Variants in NCBP2L observed in about 807,000 individuals in gnomAD.
The protein encoded by NCBP2L is nuclear cap binding protein subunit 2 like.
For synonymous variants in NCBP2L, 39 were observed against 19.2 expected (o/e 2.04, Z -2.70); for missense variants, 95 against 53.1 (o/e 1.79, Z -2.45).
Position 107,783,358 on chromosome X carries a change from C to CTTTTTTTTTTTTT in NCBP2L, c.-73+5509_-73+5521dup, listed in dbSNP as rs769083822. ...ATTAGCCTGGCATGGTGGCACTTGC[C>CTTTTTTTTTTTTT]TTTTTTTTTTTTTTTTTTTTTATTT... On this transcript the variant is annotated intron_variant, in intron 1 of 1. Coordinates refer to ENST00000509000, the MANE Select transcript of NCBP2L (RefSeq NM_001348372.2). Among the ~76,000 whole-genome samples the CTTTTTTTTTTTTT allele has an allele frequency of 8.6e-3, 531 of 61,444 alleles. 1 individual carries two copies. Among genetic ancestry groups the CTTTTTTTTTTTTT allele is most frequent in the Non-Finnish European group, 0.012 (426 of 36,342 alleles). 53.4% of individuals were successfully genotyped at this position (61,444 alleles called of 115,157 possible). A position where few individuals can be genotyped will look rare whatever the true frequency, so the allele number is the denominator to read the frequency against.
intron 1 of NCBP2L, among the ~76,000 whole-genome samples, chrX:107,783,289 C>A (rs1044276359): frequency 1.9e-5 from 2 of 107,229 alleles, no homozygotes; most frequent in African/African-American, 3.4e-5. Flanking sequence ...TTGAGACAAG[C>A]CTGGCCAACA....
At position 107,794,855 on chromosome X, in the gene NCBP2L, C is replaced by A; in HGVS notation, c.*173C>A. ...ACAAAAAAAATCCATTTGTTTTTGTCTGAATTTTGAAGATGCTTTTCAGAT... is the reference window on the plus strand; with the variant it reads ...ACAAAAAAAATCCATTTGTTTTTGTATGAATTTTGAAGATGCTTTTCAGAT... On this transcript the variant is annotated 3_prime_UTR_variant, in exon 2 of 2. Coordinates refer to ENST00000509000, the MANE Select transcript of NCBP2L (RefSeq NM_001348372.2). The A allele has an allele frequency of 2.6e-6, 1 of 378,833 alleles. No homozygotes were observed. The allele number at this position is 378,833 out of a possible 1,213,427, so 31.2% of individuals were successfully genotyped here. A position where few individuals can be genotyped will look rare whatever the true frequency, so the allele number is the denominator to read the frequency against.
chrX:107,780,234 G>A (rs1930248063), intron 1 of NCBP2L, among the ~76,000 whole-genome samples: 1 of 111,444 alleles, frequency 9.0e-6, no homozygotes, highest in Non-Finnish European at 1.9e-5. Flanking sequence ...GCGTGCATCT[G>A]TAGTCCCAGC....
At chrX:107,780,123 G>T (rs1348867292) in intron 1 of NCBP2L, among the ~76,000 whole-genome samples, 1 of 111,170 alleles carries the variant, frequency 9.0e-6, no homozygotes, top group South Asian at 3.8e-4. Context: ...TTGAGAGGCC[G>T]GGGTGGGCGG....
intron 1 of NCBP2L, among the ~76,000 whole-genome samples, chrX:107,792,368 C>A (rs962340860): frequency 9.3e-6 from 1 of 107,650 alleles, no homozygotes; most frequent in Non-Finnish European, 1.9e-5. Flanking sequence ...GAAATGAAGT[C>A]TAGGAGGGAT....
Position 107,795,744 on chromosome X carries a change from A to T in NCBP2L, c.*1062A>T, listed in dbSNP as rs139766484. On this transcript the variant is annotated 3_prime_UTR_variant, in exon 2 of 2. Coordinates refer to ENST00000509000, the MANE Select transcript of NCBP2L (RefSeq NM_001348372.2). ...GTAACCCCATCATAAGTCAATGAGC[A>T]TCTGTACTTACTTTCTTTACTGTTA... 1.2e-4 allele frequency: 14 copies of T among 112,100 alleles called. No individual in the cohort carries two copies. In the East Asian group the frequency reaches 3.6e-3, roughly 29 times the overall value. 9.2% of individuals were successfully genotyped at this position (112,100 alleles called of 1,213,427 possible). A position where few individuals can be genotyped will look rare whatever the true frequency, so the allele number is the denominator to read the frequency against.
rs774046932 is a variant in NCBP2L at position 107,795,012 on chromosome X, T to G, written c.*330T>G. The G allele has an allele frequency of 8.6e-5, 11 of 128,555 alleles. No homozygotes were observed. Among genetic ancestry groups the G allele is most frequent in the Non-Finnish European group, 1.6e-4 (10 of 64,164 alleles). The allele number at this position is 128,555 out of a possible 1,213,427, so 10.6% of individuals were successfully genotyped here. ...CTGTTGGATTCTATGGCCATGTTCC[T>G]GCAGCCCAAAATTATAATTTTTTTT... is the stretch of plus-strand genomic sequence containing the variant. On this transcript the variant is annotated 3_prime_UTR_variant, in exon 2 of 2. Coordinates refer to ENST00000509000, the MANE Select transcript of NCBP2L (RefSeq NM_001348372.2).
At chrX:107,792,200 C>G (rs1456733408) in intron 1 of NCBP2L, among the ~76,000 whole-genome samples, 1 of 111,849 alleles carries the variant, frequency 8.9e-6, no homozygotes, top group African/African-American at 3.3e-5. Context: ...ATAGGCTCAT[C>G]TCAACAAATG....
At chrX:107,782,603 C>A (rs1335863643) in intron 1 of NCBP2L, among the ~76,000 whole-genome samples, 1 of 103,322 alleles carries the variant, frequency 9.7e-6, no homozygotes, top group Admixed American at 1.1e-4. Context: ...ACCCTTTGAC[C>A]AACATCTCCC....
At chrX:107,779,105 T>C (rs1403848094) in intron 1 of NCBP2L, among the ~76,000 whole-genome samples, 1 of 111,924 alleles carries the variant, frequency 8.9e-6, no homozygotes, top group African/African-American at 3.3e-5. Flanking sequence ...TCAGTGTTAC[T>C]GGAGAATAAA....
intron 1 of NCBP2L, among the ~76,000 whole-genome samples, chrX:107,790,338 C>G (rs1369013633): frequency 9.0e-6 from 1 of 111,673 alleles, no homozygotes; most frequent in African/African-American, 3.3e-5. Context: ...GCCTCTTGGC[C>G]TGCTCCCCCT....
intron 1 of NCBP2L, among the ~76,000 whole-genome samples, chrX:107,778,896 A>G (rs1288778581): frequency 8.9e-6 from 1 of 111,986 alleles, no homozygotes; most frequent in African/African-American, 3.3e-5. Context: ...AGACAAAAAC[A>G]GTACAAATAC....
chrX:107,782,218 T>A (rs1286011748), intron 1 of NCBP2L, among the ~76,000 whole-genome samples: 1 of 25,336 alleles, frequency 3.9e-5, no homozygotes, highest in African/African-American at 2.0e-4. Flanking sequence ...TAAATATATA[T>A]ATAAATATAT....
At chrX:107,782,520 A>G (rs1346625129) in intron 1 of NCBP2L, among the ~76,000 whole-genome samples, 1 of 99,383 alleles carries the variant, frequency 1.0e-5, no homozygotes, top group East Asian at 3.1e-4. Flanking sequence ...ACAATACAGT[A>G]TTGTTAACTA....
intron 1 of NCBP2L, among the ~76,000 whole-genome samples, chrX:107,781,692 C>CTCTATATA (rs1395038482): frequency 3.0e-4 from 20 of 66,914 alleles, no homozygotes; most frequent in African/African-American, 1.4e-3. Flanking sequence ...CTCTCTCTCT[C>CTCTATATA]TATATATATA....
rs1930317120 is a variant in NCBP2L at position 107,782,254 on chromosome X, TATATATAA to T, written c.-73+4404_-73+4411del. On this transcript the variant is annotated intron_variant, in intron 1 of 1. Transcript: ENST00000509000. ...ATATATAAATATATATATATAAATA[TATATATAA>T]ATATATATATATAAATATATATAAA... is the stretch of plus-strand genomic sequence containing the variant. Among the ~76,000 whole-genome samples the T allele has an allele frequency of 1.1e-4, 3 of 27,189 alleles. 1 individual carries two copies. Among genetic ancestry groups the T allele is most frequent in the African/African-American group, 7.3e-4 (2 of 2,730 alleles). 23.6% of individuals were successfully genotyped at this position (27,189 alleles called of 115,157 possible).
intron 1 of NCBP2L, among the ~76,000 whole-genome samples, chrX:107,779,468 G>C (rs1930236447): frequency 8.9e-6 from 1 of 112,098 alleles, no homozygotes; most frequent in Non-Finnish European, 1.9e-5. Flanking sequence ...TCTTGCTTTT[G>C]TTGCCCAGGC....
chrX:107,789,679 C>T (rs761947150), intron 1 of NCBP2L, among the ~76,000 whole-genome samples: 1 of 111,624 alleles, frequency 9.0e-6, no homozygotes, highest in Admixed American at 9.5e-5. Context: ...TGATTGCTCT[C>T]ACCCTACTTC....
rs373915866 is a variant in NCBP2L, at chrX:107,782,222, A to T, written c.-73+4364A>T. Among the ~76,000 whole-genome samples the T allele has an allele frequency of 7.1e-3, 118 of 16,734 alleles. 3 individuals are homozygous for T. Among genetic ancestry groups the T allele is most frequent in the African/African-American group, 0.038 (78 of 2,031 alleles). 14.5% of individuals were successfully genotyped at this position (16,734 alleles called of 115,157 possible). A position where few individuals can be genotyped will look rare whatever the true frequency, so the allele number is the denominator to read the frequency against. On this transcript the variant is annotated intron_variant, in intron 1 of 1. Transcript: ENST00000509000. ...ATATATATATATAAATATATATATA[A>T]ATATATATATATAAATATATATATA...
Sources: allele counts gnomAD v4.1 joint callset (sites outside exome capture counted in the v4.1 genomes callset), GRCh38; gene constraint gnomAD v4.1.1; transcripts MANE v1.5; gene names NCBI Gene and HGNC (gene_info 2026-07-23, HGNC 2026-07-21).